The following LCORL variants were observed in gnomAD, a reference collection of about 807,000 sequenced individuals.
LCORL encodes ligand dependent nuclear receptor corepressor like.
A neutral mutation model predicts 141.8 loss-of-function variants in LCORL; 41 were observed. That is an observed-to-expected ratio of 0.29 (90% CI 0.23 to 0.38). LCORL has a LOEUF of 0.38. Ranked by LOEUF, LCORL falls within the 10% of genes least tolerant of loss-of-function variation. The pLI is 1.00. For missense variants in LCORL, 1,759 were observed against 2,035.0 expected, an observed-to-expected ratio of 0.86 and a Z score of 2.61; for synonymous variants, 618 against 694.1, an observed-to-expected ratio of 0.89 and a Z score of 1.72.
intron 1 of LCORL, among the ~76,000 whole-genome samples, chr4:17,998,100 C>A (rs980612979): frequency 5.9e-5 from 9 of 151,934 alleles, no homozygotes; most frequent in Admixed American, 2.0e-4. Context: ...TATTTGTATA[C>A]CTAAACGTAT....
At chr4:17,991,598 A>G (rs1227530717) in intron 1 of LCORL, among the ~76,000 whole-genome samples, 1 of 152,226 alleles carries the variant, frequency 6.6e-6, no homozygotes, top group Non-Finnish European at 1.5e-5. Flanking sequence ...ATTCCATGAT[A>G]GCCTCATATT....
intron 1 of LCORL, among the ~76,000 whole-genome samples, chr4:18,002,912 C>T (rs1274731095): frequency 1.3e-5 from 2 of 152,264 alleles, no homozygotes; most frequent in African/African-American, 2.4e-5. Context: ...ATTCACTAAA[C>T]GGAATGTGGA....
At position 18,021,745 on chromosome 4, in the gene LCORL, T is replaced by C; in HGVS notation, c.7A>G (p.Lys3Glu). The change falls in exon 1 of 8, where the codon AAG (lysine) becomes GAG (glutamate). Residue 3 changes from lysine to glutamate, a missense_variant. Transcript: ENST00000635767. The surrounding 1 kb of genome is among the most constrained non-coding windows in gnomAD (Gnocchi z 5.5). The stretch of plus-strand genomic sequence containing the variant: ...GCAGCGGCCATTCTCTCTCTTCCCT[T>C]GTCCATCTGCGTCCCGCGTCACGCG... 6.6e-7 allele frequency: 1 copy of C among 1,508,724 alleles called. No homozygotes were observed. The highest frequency in any genetic ancestry group is 8.8e-7 in the Non-Finnish European group (1 of 1,131,558). The allele number at this position is 1,508,724 out of a possible 1,614,324, so 93.5% of individuals were successfully genotyped here.
chr4:17,926,886 T>C (rs1735235571), intron 4 of LCORL, among the ~76,000 whole-genome samples: 1 of 152,228 alleles, frequency 6.6e-6, no homozygotes, highest in African/African-American at 2.4e-5. Context: ...GCATGGTAAA[T>C]GAGCACTGGC....
chr4:17,937,981 G>T (rs942351036), intron 4 of LCORL, among the ~76,000 whole-genome samples: 1 of 150,296 alleles, frequency 6.7e-6, no homozygotes, highest in Non-Finnish European at 1.5e-5. Flanking sequence ...GGAAGCTTTA[G>T]ACTTATAAAT....
chr4:17,904,061 T>A (rs537453538), intron 5 of LCORL, among the ~76,000 whole-genome samples: 1 of 151,966 alleles, frequency 6.6e-6, no homozygotes, highest in Non-Finnish European at 1.5e-5. Flanking sequence ...ATAAAAAAAA[T>A]ATAAAACAAT....
chr4:17,866,774 A>G (rs1725716427), intron 7 of LCORL, among the ~76,000 whole-genome samples: 1 of 152,174 alleles, frequency 6.6e-6, no homozygotes, highest in Admixed American at 6.5e-5. Flanking sequence ...CTCCATGACA[A>G]GAAAACTGTT....
intron 1 of LCORL, among the ~76,000 whole-genome samples, chr4:17,988,012 T>C (rs565300378): frequency 3.5e-4 from 53 of 152,308 alleles, no homozygotes; most frequent in Admixed American, 3.1e-3. Context: ...ATAATTTCCA[T>C]GTGGGAGGGA....
intron 6 of LCORL, chr4:17,883,121 T>C: frequency 1.0e-6 from 1 of 977,260 alleles, no homozygotes; most frequent in Non-Finnish European, 1.2e-6. Context: ...ACATATCCTT[T>C]AAGGTTTTCT....
chr4:18,007,350 T>C, intron 1 of LCORL, among the ~76,000 whole-genome samples: 1 of 152,234 alleles, frequency 6.6e-6, no homozygotes. Context: ...ATTACTACTA[T>C]ATCCTGCTTA....
chr4:17,885,989 T>G (rs1728217968), intron 6 of LCORL, 79 bp downstream of exon 6: 1 of 708,704 alleles, frequency 1.4e-6, no homozygotes, highest in South Asian at 2.6e-5. Context: ...ACGTCAATAC[T>G]ACTCAGAATA....
intron 5 of LCORL, among the ~76,000 whole-genome samples, chr4:17,893,915 T>C (rs1729489824): frequency 6.6e-6 from 1 of 152,122 alleles, no homozygotes; most frequent in African/African-American, 2.4e-5. Context: ...TCTCCAGCCT[T>C]GGCCTCCTGA....
intron 4 of LCORL, among the ~76,000 whole-genome samples, chr4:17,936,418 T>C (rs1438440189): frequency 2.0e-5 from 3 of 149,978 alleles, no homozygotes; most frequent in Non-Finnish European, 4.4e-5. Flanking sequence ...GATAGTGGCA[T>C]AGTGGCATAG....
intron 2 of LCORL, among the ~76,000 whole-genome samples, 182 bp from the exon 3 acceptor site, chr4:17,963,231 G>A (rs1309065282): frequency 6.6e-6 from 1 of 152,036 alleles, no homozygotes; most frequent in Non-Finnish European, 1.5e-5. Context: ...GCTGTAAGGA[G>A]AGTAATCTGC....
intron 6 of LCORL, chr4:17,882,613 C>G (rs1249841293): frequency 1.0e-6 from 1 of 984,574 alleles, no homozygotes; most frequent in Non-Finnish European, 1.2e-6. Context: ...CCTGAACAAA[C>G]TGCAAATTTG....
intron 4 of LCORL, among the ~76,000 whole-genome samples, 192 bp downstream of exon 4, chr4:17,961,711 T>C (rs1713820164): frequency 6.6e-6 from 1 of 151,950 alleles, no homozygotes; most frequent in Non-Finnish European, 1.5e-5. Flanking sequence ...TGAACAGGAA[T>C]GCCTAATACA....
At chr4:17,947,295 A>C (rs1038201274) in intron 4 of LCORL, among the ~76,000 whole-genome samples, 1 of 152,000 alleles carries the variant, frequency 6.6e-6, no homozygotes, top group African/African-American at 2.4e-5. Flanking sequence ...CAGAAAGATA[A>C]ATATTGCATG....
intron 2 of LCORL, among the ~76,000 whole-genome samples, chr4:17,965,739 ATTCT>A (rs977336914): frequency 6.6e-6 from 1 of 152,086 alleles, no homozygotes; most frequent in African/African-American, 2.4e-5. Context: ...TGAGTTTCAG[ATTCT>A]TTGTTTGAAA....
chr4:17,883,127 T>G (rs1356170595), intron 6 of LCORL: 3 of 978,860 alleles, frequency 3.1e-6, no homozygotes, highest in African/African-American at 1.8e-5. Context: ...CCTTTAAGGT[T>G]TTCTTTTCTA....
Sources: allele counts gnomAD v4.1 joint callset (sites outside exome capture counted in the v4.1 genomes callset), GRCh38; gene constraint gnomAD v4.1.1; non-coding constraint Gnocchi (gnomAD v3.1); transcripts MANE v1.5; gene names NCBI Gene and HGNC (gene_info 2026-07-23, HGNC 2026-07-21).